Variants in SDK2 observed in about 807,000 individuals in gnomAD.
SDK2 encodes the protein protein sidekick-2.
Under a neutral mutation model 253.9 loss-of-function variants are expected in SDK2, and 105 were observed. That is an observed-to-expected ratio of 0.41 (90% CI 0.35 to 0.49). The LOEUF is 0.49. SDK2 is among the 20% of genes least tolerant of loss of function. SDK2 has a pLI of 0.06. For missense variants in SDK2, 2,608 were observed against 3,003.0 expected (o/e 0.87, Z 3.07); for synonymous variants, 1,249 against 1,234.9 (o/e 1.01, Z -0.24).
At position 73,352,907 on chromosome 17, in the gene SDK2, C is replaced by T. The variant is rs2062551674; in HGVS notation, c.5594-270G>A. Among the ~76,000 whole-genome samples the T allele has an allele frequency of 6.6e-6, 1 of 152,206 alleles. No homozygotes were observed. Among genetic ancestry groups the T allele is most frequent in the Non-Finnish European group, 1.5e-5 (1 of 68,050 alleles). ...AGGAGTTCGAGACCAGCCTAGCCAACATGGTGAAACCCTGTCTCTACTAAA... is the reference window on the plus strand; with the variant it reads ...AGGAGTTCGAGACCAGCCTAGCCAATATGGTGAAACCCTGTCTCTACTAAA... On this transcript the variant is annotated intron_variant, in intron 40 of 44. Transcript: ENST00000392650. The surrounding 1 kb of genome is among the most constrained non-coding windows in gnomAD (Gnocchi z 4.1).
intron 1 of SDK2, among the ~76,000 whole-genome samples, chr17:73,615,875 C>T (rs1599728674): frequency 6.6e-6 from 1 of 152,136 alleles, no homozygotes; most frequent in African/African-American, 2.4e-5. Flanking sequence ...ATACACACAA[C>T]CACATGTGCA....
intron 1 of SDK2, among the ~76,000 whole-genome samples, chr17:73,626,566 C>G (rs1476516121): frequency 6.6e-6 from 1 of 152,226 alleles, no homozygotes; most frequent in Non-Finnish European, 1.5e-5. Flanking sequence ...TCCAGCTCCC[C>G]ATCCCCCACC....
intron 40 of SDK2, 166 bp downstream of exon 40, chr17:73,357,913 C>G (rs756997726): frequency 1.9e-6 from 2 of 1,051,278 alleles, no homozygotes; most frequent in East Asian, 2.4e-5. Context: ...GCTCTAGGAG[C>G]CCCCCAACCC....
chr17:73,337,645 G>A lies in SDK2; in HGVS notation c.*942C>T, dbSNP rs1054284436. 1.2e-4 allele frequency: 19 copies of A among 152,446 alleles called. No individual in the cohort carries two copies. Among genetic ancestry groups the A allele is most frequent in the African/African-American group, 4.6e-4 (19 of 41,560 alleles). The allele number at this position is 152,446 out of a possible 1,614,324, so 9.4% of individuals were successfully genotyped here. A position where few individuals can be genotyped will look rare whatever the true frequency, so the allele number is the denominator to read the frequency against. ...TTAAAGAGAGGACGGATGGAACCTG[G>A]ATTGGAAGAAAGAGAACAGTCAAAG... is the stretch of plus-strand genomic sequence containing the variant. On this transcript the variant is annotated 3_prime_UTR_variant, in exon 45 of 45. Coordinates refer to ENST00000392650, the MANE Select transcript of SDK2 (RefSeq NM_001144952.2).
chr17:73,374,501 T>C lies in SDK2; in HGVS notation c.4980+4676A>G, dbSNP rs1002635215. ...TTTTTTTTTTGAGATGGGGTCTCGC[T>C]CTGTTGCCCAGGCTGGAGTACAGTG... On this transcript the variant is annotated intron_variant, in intron 36 of 44. Transcript: ENST00000392650. Among the ~76,000 whole-genome samples, 8 of 142,038 alleles carry C rather than the reference T, an allele frequency of 5.6e-5. 2 individuals are homozygous for C. The highest frequency in any genetic ancestry group is 1.2e-4 in the African/African-American group (4 of 34,768). The allele number at this position is 142,038 out of a possible 152,430, so 93.2% of individuals were successfully genotyped here.
At chr17:73,623,353 T>C (rs868332567) in intron 1 of SDK2, among the ~76,000 whole-genome samples, 9 of 152,138 alleles carry the variant, frequency 5.9e-5, no homozygotes, top group African/African-American at 2.2e-4. Context: ...GCAGTCTGGC[T>C]CTGGGGTTCC....
chr17:73,507,804 G>C (rs1390576179), intron 1 of SDK2, among the ~76,000 whole-genome samples: 1 of 152,174 alleles, frequency 6.6e-6, no homozygotes, highest in African/African-American at 2.4e-5. Flanking sequence ...CTGCCAACCA[G>C]AGCCCTGCCT....
At chr17:73,577,566 A>G (rs2045473838) in intron 1 of SDK2, among the ~76,000 whole-genome samples, 1 of 152,146 alleles carries the variant, frequency 6.6e-6, no homozygotes, top group African/African-American at 2.4e-5. Context: ...TTCCTCCAGG[A>G]TATCAAGGTG....
intron 12 of SDK2, among the ~76,000 whole-genome samples, chr17:73,427,228 A>T: frequency 6.6e-6 from 1 of 152,266 alleles, no homozygotes; most frequent in South Asian, 2.1e-4. Context: ...GCAGTTACTG[A>T]AATTGAATTA....
chr17:73,510,248 C>A (rs1347358914), intron 1 of SDK2, among the ~76,000 whole-genome samples: 1 of 152,162 alleles, frequency 6.6e-6, no homozygotes, highest in Non-Finnish European at 1.5e-5. Context: ...CATGTGGGGC[C>A]CAAGTCAGCT....
rs555232668 is a variant in SDK2, at chr17:73,441,033, G to C, written c.614-110C>G. The C allele has an allele frequency of 5.1e-6, 4 of 778,856 alleles. No individual in the cohort carries two copies. The African/African-American group carries it at 7.0e-5, about 14-fold the overall frequency. The allele number at this position is 778,856 out of a possible 1,614,324, so 48.2% of individuals were successfully genotyped here. A position where few individuals can be genotyped will look rare whatever the true frequency, so the allele number is the denominator to read the frequency against. ...GTCTTTGTCCTTACCGAGTGGAGCA[G>C]GTGGCCATGGGGGCAGCCCCAGAGC... On this transcript the variant is annotated intron_variant, in intron 5 of 44. Transcript: ENST00000392650.
At chr17:73,582,464 C>T (rs1237082387) in intron 1 of SDK2, among the ~76,000 whole-genome samples, 2 of 152,212 alleles carry the variant, frequency 1.3e-5, no homozygotes, top group Non-Finnish European at 2.9e-5. Context: ...ACAGCTGGTG[C>T]TGACTCTCAG....
At chr17:73,552,253 A>G (rs767427054) in intron 1 of SDK2, among the ~76,000 whole-genome samples, 2 of 152,292 alleles carry the variant, frequency 1.3e-5, no homozygotes, top group Non-Finnish European at 2.9e-5. Flanking sequence ...AAATTTTAAT[A>G]GGAACCACTG....
chr17:73,440,391 C>T (rs1159500626), intron 6 of SDK2, among the ~76,000 whole-genome samples: 1 of 152,112 alleles, frequency 6.6e-6, no homozygotes, highest in Non-Finnish European at 1.5e-5. Flanking sequence ...CAGGTATGAG[C>T]CATCGCGCCC....
intron 1 of SDK2, among the ~76,000 whole-genome samples, chr17:73,569,822 C>G (rs1008417856): frequency 3.3e-5 from 5 of 152,060 alleles, no homozygotes; most frequent in African/African-American, 1.2e-4. Flanking sequence ...AACGGAGCTC[C>G]GAGCCTTGAT....
In SDK2 at chr17:73,467,473, C is replaced by T. The variant is rs1477501942; in HGVS notation, c.331+4639G>A. On this transcript the variant is annotated intron_variant, in intron 3 of 44. Transcript: ENST00000392650. This position sits in a 1 kb window ranked among gnomAD's most constrained non-coding sequence, Gnocchi z 4.1. Reference sequence around the variant, plus strand: ...ACTGTGCCCTTCCCAGCACAGTGACCCTCAGGACGAGCACTGCTATGAGTG... The same window carrying T: ...ACTGTGCCCTTCCCAGCACAGTGACTCTCAGGACGAGCACTGCTATGAGTG... 6.6e-6 allele frequency among the ~76,000 whole-genome samples: 1 copy of T among 152,124 alleles called. No individual in the cohort carries two copies. Among genetic ancestry groups the T allele is most frequent in the Non-Finnish European group, 1.5e-5 (1 of 68,026 alleles).
At chr17:73,463,917 T>C (rs1350499695) in intron 3 of SDK2, among the ~76,000 whole-genome samples, 4 of 152,222 alleles carry the variant, frequency 2.6e-5, no homozygotes, top group African/African-American at 4.8e-5. Context: ...CACACATTCA[T>C]TTTACTAATA....
intron 12 of SDK2, among the ~76,000 whole-genome samples, chr17:73,425,985 G>A (rs924113915): frequency 2.6e-5 from 4 of 152,086 alleles, no homozygotes; most frequent in Non-Finnish European, 5.9e-5. Flanking sequence ...TATTTTAAAT[G>A]ATACAGTATA....
chr17:73,347,461 G>T (rs1025220298), intron 44 of SDK2, among the ~76,000 whole-genome samples: 3 of 152,226 alleles, frequency 2.0e-5, no homozygotes, highest in African/African-American at 7.2e-5. Context: ...GAGCTAGGGA[G>T]TTAGGTCCAG....
Sources: gnomAD v4.1 joint callset for allele counts (sites outside exome capture counted in the v4.1 genomes callset) on GRCh38, gnomAD v4.1.1 for gene constraint, Gnocchi (gnomAD v3.1) non-coding constraint, MANE v1.5 for transcripts, NCBI Gene and HGNC (gene_info 2026-07-23, HGNC 2026-07-21) for gene names.